Variants in SLC35A5 observed in about 807,000 individuals in gnomAD.
The protein encoded by SLC35A5 is UDP-sugar transporter protein SLC35A5.
Under a neutral mutation model 36.3 loss-of-function variants are expected in SLC35A5, and 28 were observed. The observed-to-expected ratio is 0.77, with a 90% CI of 0.57 to 1.06. The LOEUF is 1.06. SLC35A5 is among the 50% of genes least tolerant of loss of function. SLC35A5 has a pLI of 0.00. For missense variants in SLC35A5, 521 were observed against 499.3 expected, an observed-to-expected ratio of 1.04 and a Z score of -0.41; for synonymous variants, 180 against 173.7, an observed-to-expected ratio of 1.04 and a Z score of -0.29.
chr3:112,562,843 C>G (rs1933992530), intron 1 of SLC35A5, among the ~76,000 whole-genome samples: 2 of 152,104 alleles, frequency 1.3e-5, no homozygotes, highest in African/African-American at 4.8e-5. Context: ...GCGGGCGGAT[C>G]ACAGTCAGGA....
intron 2 of SLC35A5, among the ~76,000 whole-genome samples, chr3:112,567,254 A>C (rs929280585): frequency 1.3e-5 from 2 of 151,962 alleles, no homozygotes; most frequent in African/African-American, 2.4e-5. Context: ...ACAGACAAAC[A>C]AACAAAAAGA....
chr3:112,566,037 G>T (rs957802096), intron 2 of SLC35A5, among the ~76,000 whole-genome samples: 1 of 152,212 alleles, frequency 6.6e-6, no homozygotes, highest in Non-Finnish European at 1.5e-5. Context: ...GCAAAGTAAA[G>T]CCATAGGTGA....
intron 2 of SLC35A5, among the ~76,000 whole-genome samples, chr3:112,563,867 G>A (rs986393269): frequency 4.4e-5 from 5 of 112,546 alleles, no homozygotes; most frequent in Non-Finnish European, 7.7e-5. Context: ...GGATATATTT[G>A]TTTGGTCACT....
chr3:112,571,076 C>A (rs113107970), intron 4 of SLC35A5, among the ~76,000 whole-genome samples: 2,400 of 152,276 alleles, frequency 0.016, 60 homozygotes, highest in African/African-American at 0.055. Context: ...ACCTTTCTTA[C>A]ACCTGTTTTA....
chr3:112,566,875 C>CGA (rs1204880710), intron 2 of SLC35A5, among the ~76,000 whole-genome samples: 3 of 152,066 alleles, frequency 2.0e-5, no homozygotes, highest in Non-Finnish European at 4.4e-5. Flanking sequence ...TTTTCAGATG[C>CGA]GAGAGTTTTG....
intron 4 of SLC35A5, among the ~76,000 whole-genome samples, chr3:112,572,098 G>A (rs1018140425): frequency 1.0e-4 from 15 of 149,658 alleles, no homozygotes; most frequent in African/African-American, 2.7e-4. Context: ...GCCCGCCACC[G>A]CGCCCGGCTA....
At chr3:112,578,823 T>C (rs3773704) in intron 5 of SLC35A5, among the ~76,000 whole-genome samples, 6,346 of 152,254 alleles carry the variant, frequency 0.042, 243 homozygotes, top group Admixed American at 0.11. Context: ...GCCTCACTTA[T>C]ATGCGATTTG....
intron 1 of SLC35A5, among the ~76,000 whole-genome samples, chr3:112,563,086 AAAT>A (rs1489205204): frequency 2.6e-5 from 4 of 152,226 alleles, no homozygotes. Flanking sequence ...TAAAATTTAA[AAAT>A]AAAATTCAAA....
chr3:112,561,384 A>T, upstream of SLC35A5: 1 of 1,489,312 alleles, frequency 6.7e-7, no homozygotes, highest in Non-Finnish European at 9.3e-7. Flanking sequence ...GAAAGCGGGG[A>T]CTCCTGCGGC....
intron 6 of SLC35A5, 122 bp downstream of exon 6, chr3:112,581,448 A>G (rs1934922751): frequency 1.0e-6 from 1 of 999,798 alleles, no homozygotes; most frequent in Non-Finnish European, 1.4e-6. Flanking sequence ...CTGACTTTTA[A>G]AACCGAATCA....
chr3:112,562,036 A>C (rs1933919677), upstream of SLC35A5: 1 of 170,136 alleles, frequency 5.9e-6, no homozygotes, highest in Non-Finnish European at 1.3e-5. Flanking sequence ...CTCCTTCCGG[A>C]AGCGTAACAC....
At position 112,582,877 on chromosome 3, in the gene SLC35A5, T is replaced by C; in HGVS notation, c.*141T>C. ...TGCATATATCTAGCTACTCCCTAAATGGTTCCATCCAAGGCTTAGAGTACC... is the reference window on the plus strand; with the variant it reads ...TGCATATATCTAGCTACTCCCTAAACGGTTCCATCCAAGGCTTAGAGTACC... On this transcript the variant is annotated 3_prime_UTR_variant, in exon 7 of 7. Transcript: ENST00000492406. 1.5e-6 allele frequency: 1 copy of C among 682,990 alleles called. No homozygotes were observed. The highest frequency in any genetic ancestry group is 2.4e-6 in the Non-Finnish European group (1 of 411,704). 42.3% of individuals were successfully genotyped at this position (682,990 alleles called of 1,614,324 possible).
intron 4 of SLC35A5, among the ~76,000 whole-genome samples, 161 bp from the exon 5 acceptor site, chr3:112,573,728 G>C (rs1313243553): frequency 6.6e-6 from 1 of 152,202 alleles, no homozygotes; most frequent in East Asian, 1.9e-4. Flanking sequence ...AATTTGACAA[G>C]CGACAAAACT....
chr3:112,581,057 G>A lies in SLC35A5; in HGVS notation c.940G>A (p.Ala314Thr), dbSNP rs1445287650. The part of the protein sequence containing the change: ...AFSVALIFVT[A>T]FQGLSVAFIL... ...TTCAGTAGCCCTTATTTTTGTAACT[G>A]CATTCCAGGGCCTTTCAGTGGCTTT... is the stretch of plus-strand genomic sequence containing the variant. Residue 314 changes from alanine (A) to threonine (T), a missense_variant, in exon 6 of 7, where the codon GCA becomes ACA. Transcript: ENST00000492406. The A allele has an allele frequency of 6.2e-7, 1 of 1,613,982 alleles. No homozygotes were observed. The highest frequency in any genetic ancestry group is 8.5e-7 in the Non-Finnish European group (1 of 1,179,944).
At chr3:112,571,856 A>C (rs570949163) in intron 4 of SLC35A5, among the ~76,000 whole-genome samples, 1 of 148,050 alleles carries the variant, frequency 6.8e-6, no homozygotes, top group East Asian at 2.1e-4. Flanking sequence ...TCAAGGTGAG[A>C]TTTGGGTGGG....
At chr3:112,565,145 G>A (rs1157306397) in intron 2 of SLC35A5, among the ~76,000 whole-genome samples, 5 of 152,178 alleles carry the variant, frequency 3.3e-5, no homozygotes, top group Non-Finnish European at 7.3e-5. Context: ...GGTTCAAAGT[G>A]CATAAGATAT....
At chr3:112,572,873 A>G (rs951016177) in intron 4 of SLC35A5, among the ~76,000 whole-genome samples, 1 of 152,180 alleles carries the variant, frequency 6.6e-6, no homozygotes, top group African/African-American at 2.4e-5. Context: ...CAAGGCCACT[A>G]TTTCCACACT....
chr3:112,568,724 A>G (rs1009917207), intron 2 of SLC35A5, among the ~76,000 whole-genome samples: 1 of 152,238 alleles, frequency 6.6e-6, no homozygotes, highest in South Asian at 2.1e-4. Context: ...TCTTAAGGGG[A>G]TGTCATAGAC....
chr3:112,561,632 G>T, upstream of SLC35A5: 1 of 1,212,084 alleles, frequency 8.3e-7, no homozygotes, highest in South Asian at 1.3e-5. Context: ...ACTCGCATCA[G>T]CACCCGGCTG....
Sources: gnomAD v4.1 joint callset for allele counts (sites outside exome capture counted in the v4.1 genomes callset) on GRCh38, gnomAD v4.1.1 for gene constraint, MANE v1.5 for transcripts, NCBI Gene and HGNC (gene_info 2026-07-23, HGNC 2026-07-21) for gene names.